Variants in NCAM1 observed in about 807,000 individuals in gnomAD.
NCAM1 encodes the protein neural cell adhesion molecule 1.
Under a neutral mutation model 109.8 loss-of-function variants are expected in NCAM1, and 14 were observed. That is an observed-to-expected ratio of 0.13 (90% CI 0.08 to 0.20). NCAM1 has a LOEUF of 0.20. NCAM1 is among the 10% of genes least tolerant of loss of function. The pLI is 1.00. For missense variants in NCAM1, 774 were observed against 1,109.9 expected, an observed-to-expected ratio of 0.70 and a Z score of 4.30; for synonymous variants, 418 against 442.9, an observed-to-expected ratio of 0.94 and a Z score of 0.70.
At chr11:113,025,484 G>A (rs1952509306) in intron 1 of NCAM1, among the ~76,000 whole-genome samples, 1 of 151,972 alleles carries the variant, frequency 6.6e-6, no homozygotes, top group Admixed American at 6.6e-5. Flanking sequence ...GGAGACACAT[G>A]GTGTAAACGT....
chr11:112,997,737 A>C (rs1231955403), intron 1 of NCAM1, among the ~76,000 whole-genome samples: 1 of 152,198 alleles, frequency 6.6e-6, no homozygotes, highest in Admixed American at 6.5e-5. Flanking sequence ...TTCCTGGAAT[A>C]TCTCTCATAA....
intron 1 of NCAM1, among the ~76,000 whole-genome samples, chr11:113,086,720 CAG>C (rs1939107234): frequency 6.6e-6 from 1 of 152,034 alleles, no homozygotes; most frequent in African/African-American, 2.4e-5. Flanking sequence ...ATTCCTAACT[CAG>C]AGAGTTGGGA....
At chr11:113,167,131 T>G (rs1377429188) in intron 1 of NCAM1, among the ~76,000 whole-genome samples, 1 of 152,162 alleles carries the variant, frequency 6.6e-6, no homozygotes, top group Non-Finnish European at 1.5e-5. Flanking sequence ...CCTTCCATAA[T>G]CAGAGGAGCT....
intron 1 of NCAM1, among the ~76,000 whole-genome samples, chr11:113,164,021 G>A (rs1282280556): frequency 1.3e-5 from 2 of 152,166 alleles, no homozygotes; most frequent in South Asian, 2.1e-4. Flanking sequence ...ACATTATCTT[G>A]CAAGGTTGGA....
At chr11:113,056,677 T>A (rs1372451222) in intron 1 of NCAM1, among the ~76,000 whole-genome samples, 1 of 152,158 alleles carries the variant, frequency 6.6e-6, no homozygotes, top group Non-Finnish European at 1.5e-5. Flanking sequence ...AACAAGCACA[T>A]GAGCTTGAAA....
chr11:113,000,749 G>A (rs910963524), intron 1 of NCAM1, among the ~76,000 whole-genome samples: 1 of 150,248 alleles, frequency 6.7e-6, no homozygotes, highest in Non-Finnish European at 1.5e-5. Flanking sequence ...TTGCATTCTA[G>A]TGGTTACTTT....
chr11:113,116,729 C>T (rs1489935186), intron 1 of NCAM1, among the ~76,000 whole-genome samples: 2 of 150,312 alleles, frequency 1.3e-5, no homozygotes, highest in South Asian at 2.1e-4. Context: ...CTTGTGGTTT[C>T]TGCGTGGAAC....
intron 17 of NCAM1, among the ~76,000 whole-genome samples, chr11:113,266,302 C>CT (rs1946133471): frequency 6.6e-6 from 1 of 152,200 alleles, no homozygotes. Flanking sequence ...TTCACAGCCT[C>CT]TTTTTTGTAA....
In NCAM1 at chr11:113,050,766, G is replaced by A. The variant is rs143801268; in HGVS notation, c.52+89102G>A. 2.9e-4 allele frequency among the ~76,000 whole-genome samples: 44 copies of A among 152,280 alleles called. 1 individual carries two copies. In the East Asian group the frequency reaches 8.1e-3, roughly 28 times the overall value. On this transcript the variant is annotated intron_variant, in intron 1 of 19. Coordinates refer to ENST00000316851, the MANE Select transcript of NCAM1 (RefSeq NM_181351.5). ...CTTGGGTTAATGAGCATCCAGGGCA[G>A]TCACTTTCATATTCTTTAACTCCAA...
At chr11:113,056,755 C>T (rs1003413572) in intron 1 of NCAM1, among the ~76,000 whole-genome samples, 3 of 152,108 alleles carry the variant, frequency 2.0e-5, no homozygotes, top group South Asian at 2.1e-4. Flanking sequence ...TGGCAGTTTG[C>T]GAGACCCTGA....
chr11:112,966,654 T>C (rs1206989660), intron 1 of NCAM1, among the ~76,000 whole-genome samples: 3 of 152,240 alleles, frequency 2.0e-5, no homozygotes, highest in East Asian at 3.8e-4. Flanking sequence ...TTATTTGGCG[T>C]TGGCAGTGGT....
chr11:113,239,928 G>C (rs943839764), intron 14 of NCAM1, among the ~76,000 whole-genome samples: 3 of 152,184 alleles, frequency 2.0e-5, no homozygotes, highest in Non-Finnish European at 4.4e-5. Flanking sequence ...TTTTCATCTA[G>C]CTCTCGAAGG....
At chr11:113,055,984 T>C (rs1471242288) in intron 1 of NCAM1, among the ~76,000 whole-genome samples, 2 of 34,756 alleles carry the variant, frequency 5.8e-5, no homozygotes, top group East Asian at 3.4e-3. Flanking sequence ...ATGTGATATA[T>C]ATATATATAT....
In NCAM1 at chr11:113,271,314, G is replaced by A. The variant is rs184153187; in HGVS notation, c.2340-446G>A. ...GAACCCAGGAGGCGGAGGTTGCAAC[G>A]AACCAAGATCACGCCACTGCACTCC... On this transcript the variant is annotated intron_variant, in intron 18 of 19. Transcript: ENST00000316851. Among the ~76,000 whole-genome samples the A allele has an allele frequency of 7.6e-4, 92 of 120,812 alleles. 1 individual carries two copies. The East Asian group carries it at 0.023, about 31-fold the overall frequency. The allele number at this position is 120,812 out of a possible 152,430, so 79.3% of individuals were successfully genotyped here.
chr11:113,207,253 T>C lies in NCAM1; in HGVS notation c.629-8T>C. 1.4e-5 allele frequency: 22 copies of C among 1,612,816 alleles called. No individual in the cohort carries two copies. The highest frequency in any genetic ancestry group is 1.8e-5 in the Non-Finnish European group (21 of 1,178,900). The stretch of plus-strand genomic sequence containing the variant: ...ACAACCACCCCATGACACCCTTTTT[T>C]CCTTCAGTGCCACCTACCATCCAGG... On this transcript the variant is annotated splice_polypyrimidine_tract_variant and splice_region_variant and intron_variant, in intron 5 of 19. Coordinates refer to ENST00000316851, the MANE Select transcript of NCAM1 (RefSeq NM_181351.5).
chr11:113,237,068 A>G (rs956203958), intron 14 of NCAM1, among the ~76,000 whole-genome samples: 17 of 152,170 alleles, frequency 1.1e-4, no homozygotes, highest in African/African-American at 3.6e-4. Flanking sequence ...CATGCATGCT[A>G]GGGAAGGGGA....
chr11:113,203,249 C>T (rs1273045972), intron 2 of NCAM1, among the ~76,000 whole-genome samples: 1 of 152,136 alleles, frequency 6.6e-6, no homozygotes, highest in South Asian at 2.1e-4. Context: ...TCATGATTTG[C>T]GTGGACGAGG....
intron 13 of NCAM1, among the ~76,000 whole-genome samples, chr11:113,234,401 A>G (rs889690824): frequency 1.3e-5 from 2 of 152,048 alleles, no homozygotes; most frequent in African/African-American, 4.8e-5. Context: ...AGAACTTTTT[A>G]TCATCCCAAA....
At chr11:113,097,483 T>G (rs1555090657) in intron 1 of NCAM1, among the ~76,000 whole-genome samples, 2 of 152,040 alleles carry the variant, frequency 1.3e-5, no homozygotes, top group Non-Finnish European at 2.9e-5. Context: ...TATCATCAAA[T>G]TAGGAGTCAA....
Sources: gnomAD v4.1 joint callset for allele counts (sites outside exome capture counted in the v4.1 genomes callset) on GRCh38, gnomAD v4.1.1 for gene constraint, MANE v1.5 for transcripts, NCBI Gene and HGNC (gene_info 2026-07-23, HGNC 2026-07-21) for gene names.